The following PCDHGA4 variants were observed in gnomAD, a reference collection of about 807,000 sequenced individuals.
PCDHGA4 encodes protocadherin gamma subfamily A, 4, also known as protocadherin gamma-A4.
PCDHGA4 carries 38 observed loss-of-function variants against 54.6 expected under a neutral mutation model. The observed-to-expected ratio is 0.70, with a 90% confidence interval of 0.54 to 0.91. The LOEUF (loss-of-function observed/expected upper bound fraction) is 0.91, where lower values mean the gene tolerates loss of function less well. PCDHGA4 is among the 40% of genes least tolerant of loss of function. PCDHGA4 has a pLI of 0.00. For missense variants in PCDHGA4, 1,298 were observed against 1,220.9 expected, an observed-to-expected ratio of 1.06 and a Z score of -0.94; for synonymous variants, 511 against 512.9, an observed-to-expected ratio of 1.00 and a Z score of 0.05.
intron 1 of PCDHGA4, chr5:141,374,852 G>A (rs1770895051): frequency 5.0e-6 from 8 of 1,613,798 alleles, no homozygotes; most frequent in Non-Finnish European, 4.2e-6. Flanking sequence ...AAACCTGCCA[G>A]TAGGCACACC....
At chr5:141,395,423 C>A in intron 1 of PCDHGA4, 1 of 731,386 alleles carries the variant, frequency 1.4e-6, no homozygotes, top group Non-Finnish European at 2.1e-6. Context: ...GTTTCATTTG[C>A]TTTTAAACGA....
chr5:141,430,635 T>A, intron 1 of PCDHGA4: 3 of 881,948 alleles, frequency 3.4e-6, no homozygotes, highest in Non-Finnish European at 5.0e-6. Flanking sequence ...GAACCATCCC[T>A]GGGAGTATGT....
intron 2 of PCDHGA4, among the ~76,000 whole-genome samples, chr5:141,501,109 C>G (rs909874167): frequency 2.0e-5 from 3 of 152,106 alleles, no homozygotes; most frequent in Non-Finnish European, 4.4e-5. Context: ...CCTCGTGATC[C>G]GCCTGCCTCA....
At chr5:141,364,658 G>C in intron 1 of PCDHGA4, 1 of 1,614,020 alleles carries the variant, frequency 6.2e-7, no homozygotes, top group Non-Finnish European at 8.5e-7. Context: ...TAACATCTTG[G>C]TTGAGAACAA....
At position 141,394,666 on chromosome 5, in the gene PCDHGA4, C is replaced by T. The variant is rs1175831509; in HGVS notation, c.2514+37045C>T. 1.2e-6 allele frequency: 2 copies of T among 1,613,190 alleles called. No homozygotes were observed. ...AAGGCCAGCGAGCCGGGACTCTTCT[C>T]GGTGGGTCTGCACACGGGCGAGGTG... On this transcript the variant is annotated intron_variant, in intron 1 of 3. Transcript: ENST00000571252.
At chr5:141,428,155 G>A (rs767716956) in intron 1 of PCDHGA4, 7 of 1,581,618 alleles carry the variant, frequency 4.4e-6, no homozygotes, top group East Asian at 2.2e-5. Flanking sequence ...ACGGGAACCT[G>A]CTGGTTGCTG....
intron 1 of PCDHGA4, chr5:141,382,606 GA>G: frequency 3.6e-6 from 1 of 276,248 alleles, no homozygotes; most frequent in African/African-American, 2.2e-5. Flanking sequence ...AATTTTCTAT[GA>G]AATCAGTGTA....
In PCDHGA4 at chr5:141,356,209, G is replaced by A; in HGVS notation, c.1102G>A (p.Val368Ile). Residue 368 changes from valine (V) to isoleucine (I), a missense_variant, in exon 1 of 4, where the codon GTT (valine) becomes ATT (isoleucine). Val to Ile is a conservative substitution (Grantham distance 29). Coordinates refer to ENST00000571252, the MANE Select transcript of PCDHGA4 (RefSeq NM_018917.4). ...AGCTAGAAGCAAGGTACTGGTGACA[G>A]TTCTGGATGAAAATGACAACGCACC... ...LRARSKVLVT[V>I]LDENDNAPEV... 1 of 1,605,328 alleles carries A rather than the reference G, an allele frequency of 6.2e-7. No homozygotes were observed. Among genetic ancestry groups the A allele is most frequent in the Non-Finnish European group, 8.5e-7 (1 of 1,175,600 alleles).
At chr5:141,366,560 G>A (rs1441467698) in intron 1 of PCDHGA4, 2 of 1,614,132 alleles carry the variant, frequency 1.2e-6, no homozygotes, top group Non-Finnish European at 1.7e-6. Flanking sequence ...TGTGGGCGTG[G>A]ATGGGGTTCG....
At position 141,356,576 on chromosome 5, in the gene PCDHGA4, C is replaced by T. The variant is rs747539104; in HGVS notation, c.1469C>T (p.Ala490Val). ...ACTTTCCCTCATGCTTCCTACTCTGCTTACATTCCTGAAAACAACCCCAGA... is the reference window on the plus strand; with the variant it reads ...ACTTTCCCTCATGCTTCCTACTCTGTTTACATTCCTGAAAACAACCCCAGA... ...PPTFPHASYS[A>V]YIPENNPRGA... is the part of the protein sequence containing the mutation. The change falls in exon 1 of 4, where the codon GCT (alanine) becomes GTT (valine). Residue 490 changes from alanine (A) to valine (V), a missense_variant. Ala to Val is a moderately conservative substitution (Grantham distance 64). Coordinates refer to ENST00000571252, the MANE Select transcript of PCDHGA4 (RefSeq NM_018917.4). 12 of 1,614,050 alleles carry T rather than the reference C, an allele frequency of 7.4e-6. No individual in the cohort carries two copies. In the Admixed American group the frequency reaches 1.8e-4, roughly 25 times the overall value.
intron 1 of PCDHGA4, chr5:141,421,581 C>T (rs2096585155): frequency 2.5e-6 from 4 of 1,613,712 alleles, no homozygotes; most frequent in Admixed American, 1.7e-5. Flanking sequence ...TGAAGATTTA[C>T]GGAGTGGAGG....
chr5:141,414,334 A>G, intron 1 of PCDHGA4: 6 of 1,613,782 alleles, frequency 3.7e-6, no homozygotes, highest in Non-Finnish European at 5.1e-6. Flanking sequence ...TGGACAGGTA[A>G]CCTGTTCCAT....
At chr5:141,480,298 C>G (rs1238380283) in intron 1 of PCDHGA4, among the ~76,000 whole-genome samples, 1 of 132,676 alleles carries the variant, frequency 7.5e-6, no homozygotes, top group Non-Finnish European at 1.6e-5. Flanking sequence ...ACCTGTGGTA[C>G]CAGCTACTTG....
intron 1 of PCDHGA4, chr5:141,378,927 G>C (rs2150134897): frequency 6.6e-6 from 1 of 152,318 alleles, no homozygotes; most frequent in Admixed American, 6.5e-5. Context: ...AAAGTAAGTT[G>C]ATGGCCCTGG....
rs1762963941 is a variant in PCDHGA4, at chr5:141,363,537, C to T, written c.2514+5916C>T. 2.0e-5 allele frequency among the ~76,000 whole-genome samples: 3 copies of T among 152,150 alleles called. No homozygotes were observed. The South Asian group carries it at 6.2e-4, about 32-fold the overall frequency. On this transcript the variant is annotated intron_variant, in intron 1 of 3. Coordinates refer to ENST00000571252, the MANE Select transcript of PCDHGA4 (RefSeq NM_018917.4). ...GTTACTATACTGGTTGTCACTGGAA[C>T]TACAAATATTTGAACATGGTAATAG...
At chr5:141,425,069 A>G (rs771114613) in intron 1 of PCDHGA4, among the ~76,000 whole-genome samples, 1 of 152,170 alleles carries the variant, frequency 6.6e-6, no homozygotes. Context: ...GACAAAAATA[A>G]TTTCAACTGT....
Position 141,431,464 on chromosome 5 carries a change from G to GA in PCDHGA4, c.2515-63341dup, listed in dbSNP as rs1561852795. 1 of 1,613,782 alleles carries GA rather than the reference G, an allele frequency of 6.2e-7. No homozygotes were observed. Among genetic ancestry groups the GA allele is most frequent in the Non-Finnish European group, 8.5e-7 (1 of 1,179,972 alleles). ...GCATCCGCGTGATGGTTCTGGATGC[G>GA]AACGACAACGCACCAGCGTTTGCTC... On this transcript the variant is annotated intron_variant, in intron 1 of 3. Coordinates refer to ENST00000571252, the MANE Select transcript of PCDHGA4 (RefSeq NM_018917.4). This position sits in a 1 kb window ranked among gnomAD's most constrained non-coding sequence, Gnocchi z 4.8.
intron 1 of PCDHGA4, among the ~76,000 whole-genome samples, chr5:141,369,777 G>A (rs1766479058): frequency 1.3e-5 from 2 of 152,188 alleles, no homozygotes; most frequent in South Asian, 2.1e-4. Context: ...GATATTTCAA[G>A]CCTCTTTATA....
In PCDHGA4 at chr5:141,490,795, C is replaced by A; in HGVS notation, c.2515-4012C>A. The A allele has an allele frequency of 1.3e-5, 21 of 1,614,036 alleles. No homozygotes were observed. Among genetic ancestry groups the A allele is most frequent in the Non-Finnish European group, 1.8e-5 (21 of 1,179,922 alleles). On this transcript the variant is annotated intron_variant, in intron 1 of 3. Coordinates refer to ENST00000571252, the MANE Select transcript of PCDHGA4 (RefSeq NM_018917.4). This position sits in a 1 kb window ranked among gnomAD's most constrained non-coding sequence, Gnocchi z 5.4. ...CCCAGAGGATGGACGGATCTTTGCC[C>A]AGCGTACCTTTGACTATGAATTGCT...
Sources: allele counts gnomAD v4.1 joint callset (sites outside exome capture counted in the v4.1 genomes callset), GRCh38; gene constraint gnomAD v4.1.1; non-coding constraint Gnocchi (gnomAD v3.1); transcripts MANE v1.5; gene names NCBI Gene and HGNC (gene_info 2026-07-23, HGNC 2026-07-21).